The following ZNF76 variants were observed in gnomAD, a reference collection of about 807,000 sequenced individuals.
ZNF76 encodes the protein zinc finger protein 76, also known as zinc finger protein 523.
ZNF76 carries 66 observed loss-of-function variants against 66.9 expected under a neutral mutation model. The observed-to-expected ratio is 0.99, with a 90% CI of 0.81 to 1.21. The LOEUF is 1.21. Ranked by LOEUF, ZNF76 falls within the 50% of genes most tolerant of loss-of-function variation. The pLI, the probability that ZNF76 is intolerant of heterozygous loss-of-function variation, is 0.00. For synonymous variants in ZNF76, 275 were observed against 296.1 expected (o/e 0.93, Z 0.73); for missense variants, 729 against 760.3 (o/e 0.96, Z 0.48).
At position 35,291,323 on chromosome 6, in the gene ZNF76, C is replaced by G; in HGVS notation, c.671C>G (p.Pro224Arg). 6.2e-7 allele frequency: 1 copy of G among 1,613,834 alleles called. No individual in the cohort carries two copies. The highest frequency in any genetic ancestry group is 8.5e-7 in the Non-Finnish European group (1 of 1,179,872). The change falls in exon 8 of 14, where the codon CCA becomes CGA. Residue 224 changes from proline to arginine, a missense_variant. By Grantham distance (103) the Pro-to-Arg change is moderately radical. Coordinates refer to ENST00000373953, the MANE Select transcript of ZNF76 (RefSeq NM_003427.5). ...SHVRTHTGEK[P>R]YKCPEELCSK... ...GTTCGTACCCACACTGGTGAGAAAC[C>G]ATACAAGTGCCCAGAGGAGCTGTGC... is the stretch of plus-strand genomic sequence containing the variant.
intron 1 of ZNF76, chr6:35,270,544 C>A (rs1444175538): frequency 2.0e-5 from 3 of 152,164 alleles, no homozygotes; most frequent in Non-Finnish European, 4.4e-5. Context: ...TTAATAATTT[C>A]TTGACTATCC....
At chr6:35,279,374 T>A (rs1788398209) in intron 1 of ZNF76, 1 of 61,254 alleles carries the variant, frequency 1.6e-5, no homozygotes, top group African/African-American at 6.4e-5. Context: ...AGTACATCTC[T>A]TGCCTAAATA....
chr6:35,266,159 A>G (rs1480737393), intron 1 of ZNF76, among the ~76,000 whole-genome samples: 1 of 148,222 alleles, frequency 6.7e-6, no homozygotes, highest in African/African-American at 2.5e-5. Flanking sequence ...GGTGGCTACA[A>G]TTTTTTTTTT....
At chr6:35,277,136 CT>C (rs1252470763) in intron 1 of ZNF76, among the ~76,000 whole-genome samples, 1 of 152,074 alleles carries the variant, frequency 6.6e-6, no homozygotes, top group Non-Finnish European at 1.5e-5. Context: ...TATGTGTCTT[CT>C]GACACAGTGC....
chr6:35,271,350 C>T (rs1787028838), intron 1 of ZNF76, among the ~76,000 whole-genome samples: 1 of 152,232 alleles, frequency 6.6e-6, no homozygotes, highest in African/African-American at 2.4e-5. Context: ...TCTCCACAGC[C>T]TCATGGACAT....
At chr6:35,290,224 C>A in intron 5 of ZNF76, 42 bp from the exon 6 acceptor site, 13 of 1,609,838 alleles carry the variant, frequency 8.1e-6, no homozygotes, top group Non-Finnish European at 1.1e-5. Flanking sequence ...ACCTTCTTCA[C>A]TGGGGAGAAT....
chr6:35,260,538 C>A (rs1413804714), intron 1 of ZNF76, among the ~76,000 whole-genome samples: 1 of 152,172 alleles, frequency 6.6e-6, no homozygotes, highest in Non-Finnish European at 1.5e-5. Context: ...ACATGACTTA[C>A]AAGCGTCCAG....
Position 35,291,233 on chromosome 6 carries a change from C to T in ZNF76, c.626-45C>T, listed in dbSNP as rs772297978. On this transcript the variant is annotated intron_variant, in intron 7 of 13. Transcript: ENST00000373953. ...TGAGGTGGACGGTGGAGGATGAGAC[C>T]CCACTGGGTGCTCATCTCACCCCCT... The T allele has an allele frequency of 5.4e-5, 84 of 1,569,212 alleles. No homozygotes were observed. In the East Asian group the frequency reaches 2.0e-3, roughly 37 times the overall value.
At chr6:35,294,653 A>G (rs1235019022) in intron 13 of ZNF76, 84 bp downstream of exon 13, 1 of 964,902 alleles carries the variant, frequency 1.0e-6, no homozygotes. Flanking sequence ...AGGATCTTGA[A>G]GAGAAGGGCA....
At chr6:35,266,979 TTAG>T (rs1394778803) in intron 1 of ZNF76, among the ~76,000 whole-genome samples, 5 of 151,876 alleles carry the variant, frequency 3.3e-5, no homozygotes, top group African/African-American at 9.7e-5. Flanking sequence ...TTTTGTATTT[TTAG>T]TAGAGACGGG....
Position 35,292,198 on chromosome 6 carries a change from A to G in ZNF76, c.932-356A>G, listed in dbSNP as rs1358205760. ...TCAGCATGTGTGTCCCCTCTTTCCC[A>G]TCACAACTGATACTTCAGTCATCCT... On this transcript the variant is annotated intron_variant, in intron 9 of 13. Transcript: ENST00000373953. This position sits in a 1 kb window ranked among gnomAD's most constrained non-coding sequence, Gnocchi z 4.7. 10 of 419,490 alleles carry G rather than the reference A, an allele frequency of 2.4e-5. No individual in the cohort carries two copies. The Admixed American group carries it at 3.2e-4, about 14-fold the overall frequency. The allele number at this position is 419,490 out of a possible 1,614,324, so 26.0% of individuals were successfully genotyped here.
In ZNF76 at chr6:35,295,334, G is replaced by GAC; in HGVS notation, c.*90_*91dup. ...GCCCCCAAGGGCCCAGGCTGTGGCTGACACATAGAAGGTGGCCACATAGGT... is the reference window on the plus strand; with the variant it reads ...GCCCCCAAGGGCCCAGGCTGTGGCTGACACACATAGAAGGTGGCCACATAGGT... On this transcript the variant is annotated 3_prime_UTR_variant, in exon 14 of 14. Transcript: ENST00000373953. The GAC allele has an allele frequency of 8.2e-7, 1 of 1,218,162 alleles. No homozygotes were observed. Among genetic ancestry groups the GAC allele is most frequent in the South Asian group, 1.3e-5 (1 of 77,258 alleles). 75.5% of individuals were successfully genotyped at this position (1,218,162 alleles called of 1,614,324 possible). A position where few individuals can be genotyped will look rare whatever the true frequency, so the allele number is the denominator to read the frequency against.
chr6:35,281,657 C>A (rs1422333653), intron 2 of ZNF76, among the ~76,000 whole-genome samples: 4 of 152,066 alleles, frequency 2.6e-5, no homozygotes, highest in Non-Finnish European at 5.9e-5. Context: ...TTAAGCCAGG[C>A]ATAGTGGCTC....
At chr6:35,290,532 G>A (rs1790230046) in intron 6 of ZNF76, 109 bp from the exon 7 acceptor site, 2 of 1,520,560 alleles carry the variant, frequency 1.3e-6, no homozygotes, top group Admixed American at 1.8e-5. Context: ...CAGAGCGCTT[G>A]ACACACATGA....
At chr6:35,290,134 AT>A (rs1344652872) in intron 5 of ZNF76, 131 bp from the exon 6 acceptor site, 1 of 1,192,036 alleles carries the variant, frequency 8.4e-7, no homozygotes, top group East Asian at 2.4e-5. Context: ...CCGTCTAGTT[AT>A]GTTCTTCTGC....
chr6:35,261,235 T>G (rs1785207635), intron 1 of ZNF76, among the ~76,000 whole-genome samples: 1 of 152,258 alleles, frequency 6.6e-6, no homozygotes, highest in South Asian at 2.1e-4. Flanking sequence ...GAAGCTGCTA[T>G]GGATCTTACT....
At chr6:35,291,461 C>T in intron 8 of ZNF76, 58 bp downstream of exon 8, 1 of 1,612,978 alleles carries the variant, frequency 6.2e-7, no homozygotes, top group Non-Finnish European at 8.5e-7. Flanking sequence ...ATTCAGCTTG[C>T]CTTTCAGACT....
Position 35,290,453 on chromosome 6 carries a change from T to C in ZNF76, c.549+71T>C. ...CAGGCTGTAATTCTACCTTTCTGCT[T>C]TGATTGGAATTGGTCCCTGCCCTCA... is the stretch of plus-strand genomic sequence containing the variant. On this transcript the variant is annotated intron_variant, in intron 6 of 13. Transcript: ENST00000373953. The C allele has an allele frequency of 2.5e-6, 4 of 1,591,476 alleles. No homozygotes were observed. The East Asian group carries it at 6.7e-5, about 27-fold the overall frequency.
In ZNF76 at chr6:35,287,155, G is replaced by A. The variant is rs1480191124; in HGVS notation, c.233-491G>A. On this transcript the variant is annotated intron_variant, in intron 4 of 13. Coordinates refer to ENST00000373953, the MANE Select transcript of ZNF76 (RefSeq NM_003427.5). This position sits in a 1 kb window ranked among gnomAD's most constrained non-coding sequence, Gnocchi z 4.0. Reference sequence around the variant, plus strand: ...AGCCCTGGGAGTGAAGGCAGAATGAGCAGGAGGAAACTGGAGAGAGAAAGA... The same window carrying A: ...AGCCCTGGGAGTGAAGGCAGAATGAACAGGAGGAAACTGGAGAGAGAAAGA... 6.6e-6 allele frequency among the ~76,000 whole-genome samples: 1 copy of A among 152,182 alleles called. No individual in the cohort carries two copies. Among genetic ancestry groups the A allele is most frequent in the Non-Finnish European group, 1.5e-5 (1 of 68,008 alleles).
Sources: allele counts gnomAD v4.1 joint callset (sites outside exome capture counted in the v4.1 genomes callset), GRCh38; gene constraint gnomAD v4.1.1; non-coding constraint Gnocchi (gnomAD v3.1); transcripts MANE v1.5; gene names NCBI Gene and HGNC (gene_info 2026-07-23, HGNC 2026-07-21).